Variants in GPR158 observed in about 807,000 individuals in gnomAD.
GPR158 encodes the protein metabotropic glycine receptor.
In GPR158, 30 loss-of-function variants were observed where a neutral mutation model predicts 78.2. The ratio of observed to expected loss-of-function variants is 0.38; its 90% CI spans 0.29 to 0.52. GPR158 has a LOEUF of 0.52. Ranked by LOEUF, GPR158 falls within the 20% of genes least tolerant of loss-of-function variation. The pLI, the probability that GPR158 is intolerant of heterozygous loss-of-function variation, is 0.83. For synonymous variants in GPR158, 581 were observed against 591.1 expected (o/e 0.98, Z 0.25); for missense variants, 1,463 against 1,523.5 (o/e 0.96, Z 0.66).
chr10:25,419,399 G>C (rs551590107), intron 4 of GPR158, among the ~76,000 whole-genome samples: 1 of 152,088 alleles, frequency 6.6e-6, no homozygotes, highest in African/African-American at 2.4e-5. Flanking sequence ...TTCATCTGTT[G>C]ATGGCCATTT....
intron 2 of GPR158, among the ~76,000 whole-genome samples, chr10:25,344,878 G>A (rs550242916): frequency 2.4e-4 from 36 of 152,084 alleles, no homozygotes; most frequent in African/African-American, 7.7e-4. Flanking sequence ...AGATTTTCTG[G>A]TGAGGGCCTG....
At chr10:25,262,639 C>T (rs1853983634) in intron 2 of GPR158, among the ~76,000 whole-genome samples, 1 of 152,068 alleles carries the variant, frequency 6.6e-6, no homozygotes, top group Non-Finnish European at 1.5e-5. Flanking sequence ...TACCCTCTAT[C>T]CCTCACATGT....
At chr10:25,565,296 A>G (rs1262506107) in intron 6 of GPR158, among the ~76,000 whole-genome samples, 1 of 152,230 alleles carries the variant, frequency 6.6e-6, no homozygotes, top group Non-Finnish European at 1.5e-5. Flanking sequence ...TACCAACTGA[A>G]TAATAGTGAT....
chr10:25,483,766 G>GTATT lies in GPR158; in HGVS notation c.1404+17048_1404+17051dup, dbSNP rs1835695298. ...TGTGGAGTATGGCTCTTCTTCCCTTGTATTATTAATAACAAATTCTTGTAC... is the reference window on the plus strand; with the variant it reads ...TGTGGAGTATGGCTCTTCTTCCCTTGTATTTATTATTAATAACAAATTCTTGTAC... On this transcript the variant is annotated intron_variant, in intron 5 of 10. Coordinates refer to ENST00000376351, the MANE Select transcript of GPR158 (RefSeq NM_020752.3). Among the ~76,000 whole-genome samples the GTATT allele has an allele frequency of 2.0e-5, 3 of 151,964 alleles. No homozygotes were observed. In the South Asian group the frequency reaches 6.2e-4, roughly 32 times the overall value.
rs576263940 is a variant in GPR158 at position 25,486,443 on chromosome 10, G to A, written c.1404+19724G>A. ...TCATCTGTAAAATGAAAGTAATAACGTCATCATGGGAGACTACATGATTTT... is the reference window on the plus strand; with the variant it reads ...TCATCTGTAAAATGAAAGTAATAACATCATCATGGGAGACTACATGATTTT... On this transcript the variant is annotated intron_variant, in intron 5 of 10. Coordinates refer to ENST00000376351, the MANE Select transcript of GPR158 (RefSeq NM_020752.3). 4.6e-5 allele frequency among the ~76,000 whole-genome samples: 7 copies of A among 152,202 alleles called. No individual in the cohort carries two copies. The East Asian group carries it at 5.8e-4, about 13-fold the overall frequency.
chr10:25,444,321 G>A (rs1414359045), intron 4 of GPR158, among the ~76,000 whole-genome samples: 8 of 151,872 alleles, frequency 5.3e-5, no homozygotes, highest in Non-Finnish European at 8.8e-5. Flanking sequence ...GTATGTGTGG[G>A]TGTGGTGTGT....
chr10:25,581,050 G>C (rs1000124745), intron 7 of GPR158, among the ~76,000 whole-genome samples: 1 of 149,242 alleles, frequency 6.7e-6, no homozygotes, highest in Non-Finnish European at 1.5e-5. Context: ...TCAGCCTCCC[G>C]AGTAGCTGGG....
chr10:25,177,766 C>A (rs938100934), intron 1 of GPR158, among the ~76,000 whole-genome samples: 1 of 152,082 alleles, frequency 6.6e-6, no homozygotes, highest in Non-Finnish European at 1.5e-5. Flanking sequence ...GATAATAAAC[C>A]CCTTTGTCTG....
intron 2 of GPR158, among the ~76,000 whole-genome samples, chr10:25,380,081 C>CT (rs1341333443): frequency 6.6e-6 from 1 of 151,848 alleles, no homozygotes; most frequent in African/African-American, 2.4e-5. Context: ...CAGTTTTGTT[C>CT]TTTTTTTCCC....
At chr10:25,536,668 C>T (rs974083662) in intron 5 of GPR158, among the ~76,000 whole-genome samples, 1 of 152,174 alleles carries the variant, frequency 6.6e-6, no homozygotes, top group African/African-American at 2.4e-5. Flanking sequence ...TAAACTGCAT[C>T]TTTTTTTTAG....
intron 6 of GPR158, among the ~76,000 whole-genome samples, chr10:25,551,509 T>G (rs760738346): frequency 2.0e-5 from 3 of 152,210 alleles, no homozygotes; most frequent in Non-Finnish European, 4.4e-5. Context: ...CCCAAGGTAA[T>G]CCTGCTGATA....
chr10:25,252,020 T>C (rs1342266775), intron 2 of GPR158, among the ~76,000 whole-genome samples: 1 of 151,126 alleles, frequency 6.6e-6, no homozygotes, highest in African/African-American at 2.4e-5. Flanking sequence ...TTTCTTTTTA[T>C]TCTTTTTTCT....
chr10:25,338,482 A>ATACGTATAATATACGTATATATAT lies in GPR158; in HGVS notation c.1009-57408_1009-57385dup, dbSNP rs1405660619. 1.9e-4 allele frequency among the ~76,000 whole-genome samples: 25 copies of ATACGTATAATATACGTATATATAT among 132,450 alleles called. No homozygotes were observed. The South Asian group carries it at 3.8e-3, about 20-fold the overall frequency. The allele number at this position is 132,450 out of a possible 152,430, so 86.9% of individuals were successfully genotyped here. On this transcript the variant is annotated intron_variant, in intron 2 of 10. Transcript: ENST00000376351. ...ATATTACGTATATTATACGTATAAT[A>ATACGTATAATATACGTATATATAT]TACGTATAATATACGTATATATATT...
chr10:25,392,108 T>G (rs2130523166), intron 2 of GPR158, among the ~76,000 whole-genome samples: 1 of 152,304 alleles, frequency 6.6e-6, no homozygotes, highest in South Asian at 2.1e-4. Context: ...GTGAGTCAAT[T>G]AAGACTCTTT....
chr10:25,451,507 T>G (rs1038676247), intron 4 of GPR158, among the ~76,000 whole-genome samples: 1 of 152,192 alleles, frequency 6.6e-6, no homozygotes, highest in African/African-American at 2.4e-5. Flanking sequence ...TTCACACACA[T>G]TTTTATATTT....
At chr10:25,229,520 A>G (rs1853420278) in intron 2 of GPR158, among the ~76,000 whole-genome samples, 1 of 152,132 alleles carries the variant, frequency 6.6e-6, no homozygotes, top group African/African-American at 2.4e-5. Context: ...CTTTATATGC[A>G]TTTCTTTAAT....
At chr10:25,354,004 T>C (rs1292349246) in intron 2 of GPR158, among the ~76,000 whole-genome samples, 3 of 152,082 alleles carry the variant, frequency 2.0e-5, no homozygotes, top group East Asian at 3.9e-4. Flanking sequence ...GAATCTATTA[T>C]AGGGTTTTGC....
chr10:25,598,317 G>A lies in GPR158; in HGVS notation c.2691G>A (p.Ser897=), dbSNP rs376737455. ...AGAAAACTGGGCACCCACGAACATC[G>A]ATGTTACAGAAGTCTCTCAGTGTCA... ...SEKKTGHPRT[S]MLQKSLSVIA... is the part of the protein sequence containing the mutation. Residue 897 remains serine (S), a synonymous_variant, in exon 11 of 11, where the codon TCG becomes TCA. Coordinates refer to ENST00000376351, the MANE Select transcript of GPR158 (RefSeq NM_020752.3). 1.5e-5 allele frequency: 24 copies of A among 1,613,980 alleles called. No individual in the cohort carries two copies. The highest frequency in any genetic ancestry group is 2.2e-5 in the East Asian group (1 of 44,884).
chr10:25,507,896 CTAAAGT>C (rs1317259706), intron 5 of GPR158, among the ~76,000 whole-genome samples: 2 of 152,228 alleles, frequency 1.3e-5, no homozygotes, highest in Middle Eastern at 3.4e-3. Flanking sequence ...ACCTACAATA[CTAAAGT>C]TATATTCCAT....
Sources: gnomAD v4.1 joint callset for allele counts (sites outside exome capture counted in the v4.1 genomes callset) on GRCh38, gnomAD v4.1.1 for gene constraint, MANE v1.5 for transcripts, NCBI Gene and HGNC (gene_info 2026-07-23, HGNC 2026-07-21) for gene names.